PDE4B: variants seen among roughly 807,000 people sequenced by gnomAD.
PDE4B encodes phosphodiesterase 4B.
A neutral mutation model predicts 82.2 loss-of-function variants in PDE4B; 20 were observed. That is an observed-to-expected ratio of 0.24 (90% CI 0.17 to 0.35). The LOEUF is 0.35. PDE4B is among the 10% of genes least tolerant of loss of function. The pLI is 1.00. For missense variants in PDE4B, 655 were observed against 907.2 expected (o/e 0.72, Z 3.57); for synonymous variants, 320 against 318.9 (o/e 1.00, Z -0.04).
At chr1:65,817,505 G>A (rs1645900552) in intron 1 of PDE4B, among the ~76,000 whole-genome samples, 1 of 152,074 alleles carries the variant, frequency 6.6e-6, no homozygotes, top group Non-Finnish European at 1.5e-5. Flanking sequence ...ACATGAAGTG[G>A]TTTTTATTTA....
chr1:66,265,297 A>G (rs1570584657), intron 6 of PDE4B, among the ~76,000 whole-genome samples: 1 of 152,230 alleles, frequency 6.6e-6, no homozygotes, highest in East Asian at 1.9e-4. Flanking sequence ...ATCAGGAAAC[A>G]GGAGAGTCTG....
At chr1:66,034,026 T>C (rs1439376802) in intron 3 of PDE4B, among the ~76,000 whole-genome samples, 1 of 152,136 alleles carries the variant, frequency 6.6e-6, no homozygotes, top group Non-Finnish European at 1.5e-5. Context: ...ATCTTGATCT[T>C]TGTGTTCTTC....
In PDE4B at chr1:66,299,583, AG is replaced by A. The variant is rs538966144; in HGVS notation, c.635-32924del. Among the ~76,000 whole-genome samples the A allele has an allele frequency of 3.2e-4, 48 of 152,308 alleles. No individual in the cohort carries two copies. In the East Asian group the frequency reaches 9.1e-3, roughly 29 times the overall value. On this transcript the variant is annotated intron_variant, in intron 7 of 16. Coordinates refer to ENST00000341517, the MANE Select transcript of PDE4B (RefSeq NM_002600.4). ...ATTTTCCCTTGGATAAATACCCAGT[AG>A]TGGGATCACTGTAATATGGTAATTC...
chr1:66,045,632 C>T (rs1020708177), intron 3 of PDE4B, among the ~76,000 whole-genome samples: 11 of 151,362 alleles, frequency 7.3e-5, no homozygotes, highest in East Asian at 3.9e-4. Context: ...ATGGCTAAGA[C>T]GCATGCTCAT....
chr1:66,232,406 G>A (rs1398853911), intron 3 of PDE4B, among the ~76,000 whole-genome samples: 1 of 152,032 alleles, frequency 6.6e-6, no homozygotes, highest in Non-Finnish European at 1.5e-5. Flanking sequence ...CAGTGTGCTA[G>A]CCTTGTTGTC....
intron 3 of PDE4B, among the ~76,000 whole-genome samples, chr1:66,015,126 G>C (rs368172908): frequency 1.3e-5 from 2 of 152,088 alleles, no homozygotes; most frequent in Admixed American, 1.3e-4. Flanking sequence ...CTTTAAGACT[G>C]TTCTTCTCAC....
chr1:66,016,855 A>T lies in PDE4B; in HGVS notation c.281+98020A>T, dbSNP rs527992083. ...CCATAAGTGGATAAGGAGCAAAAGG[A>T]TGCAGCTTGCTTTCAACGCCAAGTC... On this transcript the variant is annotated intron_variant, in intron 3 of 16. Coordinates refer to ENST00000341517, the MANE Select transcript of PDE4B (RefSeq NM_002600.4). Among the ~76,000 whole-genome samples the T allele has an allele frequency of 6.6e-5, 10 of 152,352 alleles. No individual in the cohort carries two copies. The South Asian group carries it at 2.1e-3, about 32-fold the overall frequency.
At chr1:66,090,923 T>C (rs1228840404) in intron 3 of PDE4B, among the ~76,000 whole-genome samples, 1 of 151,940 alleles carries the variant, frequency 6.6e-6, no homozygotes, top group Non-Finnish European at 1.5e-5. Flanking sequence ...GCGTTTTCTT[T>C]AAAATCTATC....
At chr1:65,934,511 A>C (rs967431789) in intron 3 of PDE4B, among the ~76,000 whole-genome samples, 1 of 152,222 alleles carries the variant, frequency 6.6e-6, no homozygotes, top group Admixed American at 6.5e-5. Flanking sequence ...AATGAACAAA[A>C]TGGCAATAGT....
At chr1:66,249,597 C>A (rs531314775) in intron 4 of PDE4B, among the ~76,000 whole-genome samples, 2 of 152,200 alleles carry the variant, frequency 1.3e-5, no homozygotes, top group African/African-American at 4.8e-5. Flanking sequence ...TAAATGACAC[C>A]GCATCCAGCA....
chr1:66,077,356 C>T (rs1211593583), intron 3 of PDE4B, among the ~76,000 whole-genome samples: 1 of 152,136 alleles, frequency 6.6e-6, no homozygotes, highest in Non-Finnish European at 1.5e-5. Flanking sequence ...CACGTGTCAA[C>T]TTAATTTAAT....
At chr1:65,981,121 T>C (rs1159285217) in intron 3 of PDE4B, among the ~76,000 whole-genome samples, 4 of 152,032 alleles carry the variant, frequency 2.6e-5, no homozygotes. Flanking sequence ...AGGTAAAAAA[T>C]CTGGAAATAG....
At chr1:66,107,598 G>A (rs542050813) in intron 3 of PDE4B, among the ~76,000 whole-genome samples, 93 of 151,736 alleles carry the variant, frequency 6.1e-4, no homozygotes, top group African/African-American at 2.1e-3. Context: ...TTATTTGTTA[G>A]CATTCTTGCT....
intron 3 of PDE4B, among the ~76,000 whole-genome samples, chr1:66,118,579 A>T (rs1645645319): frequency 6.7e-6 from 1 of 149,142 alleles, no homozygotes; most frequent in Admixed American, 6.7e-5. Flanking sequence ...GGTGGGGGGA[A>T]GGGGGAGGGA....
intron 1 of PDE4B, among the ~76,000 whole-genome samples, chr1:65,809,327 T>C (rs1645792494): frequency 1.6e-5 from 1 of 61,570 alleles, no homozygotes; most frequent in Admixed American, 3.0e-4. Flanking sequence ...TGAGACTCCA[T>C]CTCACAAAAA....
chr1:65,966,039 T>G (rs980156100), intron 3 of PDE4B, among the ~76,000 whole-genome samples: 7 of 152,164 alleles, frequency 4.6e-5, no homozygotes, highest in African/African-American at 1.7e-4. Flanking sequence ...TATTGGAAGT[T>G]CTGGCCAGGG....
At chr1:66,174,375 C>T (rs553499042) in intron 3 of PDE4B, among the ~76,000 whole-genome samples, 1 of 152,288 alleles carries the variant, frequency 6.6e-6, no homozygotes, top group African/African-American at 2.4e-5. Context: ...GGCACACTTA[C>T]ATTTAGTAAA....
intron 3 of PDE4B, among the ~76,000 whole-genome samples, chr1:66,218,797 C>G (rs942136661): frequency 6.6e-6 from 1 of 152,144 alleles, no homozygotes; most frequent in South Asian, 2.1e-4. Context: ...ACACTTATTA[C>G]AAGGCCTAGC....
chr1:65,999,338 T>C (rs989891319), intron 3 of PDE4B, among the ~76,000 whole-genome samples: 1 of 152,202 alleles, frequency 6.6e-6, no homozygotes, highest in Non-Finnish European at 1.5e-5. Context: ...ACGCTTACCA[T>C]GGTTTTCAGG....
Sources: gnomAD v4.1 joint callset for allele counts (sites outside exome capture counted in the v4.1 genomes callset) on GRCh38, gnomAD v4.1.1 for gene constraint, MANE v1.5 for transcripts, NCBI Gene and HGNC (gene_info 2026-07-23, HGNC 2026-07-21) for gene names.